NOX4: variants seen among roughly 807,000 people sequenced by gnomAD.
NOX4 encodes kidney oxidase-1.
A neutral mutation model predicts 87.6 loss-of-function variants in NOX4; 69 were observed. The ratio of observed to expected loss-of-function variants is 0.79; its 90% confidence interval spans 0.65 to 0.96. The LOEUF is 0.96. Ranked by LOEUF, NOX4 falls within the 40% of genes least tolerant of loss-of-function variation. NOX4 has a pLI of 0.00. For missense variants in NOX4, 680 were observed against 681.5 expected, an observed-to-expected ratio of 1.00 and a Z score of 0.02; for synonymous variants, 275 against 238.2, an observed-to-expected ratio of 1.15 and a Z score of -1.42.
chr11:89,503,112 A>G (rs996752073), upstream of NOX4, among the ~76,000 whole-genome samples: 3 of 152,018 alleles, frequency 2.0e-5, no homozygotes, highest in Non-Finnish European at 4.4e-5. Context: ...ACAACAGTAG[A>G]GTAAGTGTTC....
At chr11:89,391,739 CA>C (rs11419337) in intron 11 of NOX4, among the ~76,000 whole-genome samples, 5,596 of 96,972 alleles carry the variant, frequency 0.058, 149 homozygotes, top group East Asian at 0.15. Context: ...GACCTTGTCT[CA>C]AAAAAAAAAA....
intron 4 of NOX4, among the ~76,000 whole-genome samples, chr11:89,449,195 C>T (rs1944838593): frequency 6.6e-6 from 1 of 152,166 alleles, no homozygotes. Context: ...TAAAATCACA[C>T]ATTTTCCATG....
At chr11:89,449,701 A>T (rs1233852169) in intron 3 of NOX4, among the ~76,000 whole-genome samples, 177 bp from the exon 4 acceptor site, 8 of 152,162 alleles carry the variant, frequency 5.3e-5, no homozygotes, top group African/African-American at 1.2e-4. Flanking sequence ...CCATTAAAAA[A>T]TATATGTGAG....
the NOX4 span, among the ~76,000 whole-genome samples, chr11:89,524,471 G>T: frequency 6.6e-6 from 1 of 152,008 alleles, no homozygotes; most frequent in Non-Finnish European, 1.5e-5. Context: ...AAACATCAAG[G>T]CTCAGAAAGT....
At chr11:89,453,999 G>C (rs1166375342) in intron 2 of NOX4, among the ~76,000 whole-genome samples, 1 of 152,000 alleles carries the variant, frequency 6.6e-6, no homozygotes, top group Non-Finnish European at 1.5e-5. Context: ...GCCCCAAAAA[G>C]GTTATTGTTC....
intron 7 of NOX4, among the ~76,000 whole-genome samples, chr11:89,424,398 T>C (rs915937210): frequency 6.6e-6 from 1 of 150,828 alleles, no homozygotes; most frequent in Admixed American, 6.6e-5. Context: ...AAAGTAGATA[T>C]ATCTACTTTT....
chr11:89,503,044 CTTTA>C (rs1305873898), upstream of NOX4, among the ~76,000 whole-genome samples: 3 of 151,936 alleles, frequency 2.0e-5, no homozygotes, highest in African/African-American at 7.2e-5. Context: ...TACCCTTTAT[CTTTA>C]TTTCTTTGTC....
chr11:89,463,809 T>C lies in NOX4; in HGVS notation c.154-11914A>G, dbSNP rs539448812. Among the ~76,000 whole-genome samples the C allele has an allele frequency of 2.6e-5, 4 of 152,138 alleles. No homozygotes were observed. In the South Asian group the frequency reaches 6.2e-4, roughly 24 times the overall value. On this transcript the variant is annotated intron_variant, in intron 2 of 17. Coordinates refer to ENST00000263317, the MANE Select transcript of NOX4 (RefSeq NM_016931.5). ...AATAGATATAATACCTTCTGGACTA[T>C]CTAAAAAAGATTAAACATGATTTTC...
chr11:89,500,352 T>C (rs918726577), upstream of NOX4, among the ~76,000 whole-genome samples: 1 of 152,162 alleles, frequency 6.6e-6, no homozygotes, highest in African/African-American at 2.4e-5. Context: ...AAAATTTGTA[T>C]GTGTTCAATT....
At chr11:89,564,627 T>C in the NOX4 span, among the ~76,000 whole-genome samples, 3 of 152,132 alleles carry the variant, frequency 2.0e-5, no homozygotes, top group Non-Finnish European at 4.4e-5. Flanking sequence ...GTGGAGCTTG[T>C]TTGTTTGCAA....
At chr11:89,531,440 T>G in the NOX4 span, among the ~76,000 whole-genome samples, 1 of 152,168 alleles carries the variant, frequency 6.6e-6, no homozygotes, top group Admixed American at 6.5e-5. Flanking sequence ...GAATACCAAA[T>G]GCTAGCTGCC....
intron 2 of NOX4, 129 bp downstream of exon 2, chr11:89,490,329 T>C (rs1946799965): frequency 1.5e-6 from 1 of 667,328 alleles, no homozygotes; most frequent in Admixed American, 2.6e-5. Context: ...GTGACCACTT[T>C]AGAGAACAAC....
chr11:89,346,190 A>G (rs1946208341), intron 13 of NOX4, among the ~76,000 whole-genome samples: 1 of 152,192 alleles, frequency 6.6e-6, no homozygotes, highest in Admixed American at 6.5e-5. Flanking sequence ...ATAATTTGTA[A>G]TTATTATCTA....
intron 2 of NOX4, among the ~76,000 whole-genome samples, chr11:89,458,573 C>T (rs1301339683): frequency 6.6e-6 from 1 of 152,154 alleles, no homozygotes; most frequent in Non-Finnish European, 1.5e-5. Context: ...ACCTAGTACA[C>T]AGATTCTGTG....
chr11:89,530,498 A>G, the NOX4 span, among the ~76,000 whole-genome samples: 1 of 147,254 alleles, frequency 6.8e-6, no homozygotes, highest in South Asian at 2.2e-4. Context: ...ATGTGCCACC[A>G]CATCTGTCTA....
chr11:89,449,423 T>A lies in NOX4; in HGVS notation c.349+17A>T. On this transcript the variant is annotated intron_variant, in intron 4 of 17. Transcript: ENST00000263317. Reference sequence around the variant, plus strand: ...TGTAATTCTAACAAATTATTTAATATCTTGTGGCTTTCTCACCTGAGAAAA... The same window carrying A: ...TGTAATTCTAACAAATTATTTAATAACTTGTGGCTTTCTCACCTGAGAAAA... 2.0e-6 allele frequency: 3 copies of A among 1,534,642 alleles called. No individual in the cohort carries two copies. Among genetic ancestry groups the A allele is most frequent in the Non-Finnish European group, 2.7e-6 (3 of 1,116,696 alleles).
At chr11:89,454,472 T>C (rs917335513) in intron 2 of NOX4, among the ~76,000 whole-genome samples, 2 of 152,054 alleles carry the variant, frequency 1.3e-5, no homozygotes, top group Admixed American at 1.3e-4. Context: ...TTGAAAGCTT[T>C]CCAGATGATT....
intron 11 of NOX4, among the ~76,000 whole-genome samples, chr11:89,375,997 T>C (rs1157858636): frequency 6.6e-6 from 1 of 152,228 alleles, no homozygotes; most frequent in African/African-American, 2.4e-5. Flanking sequence ...CATATCTCTA[T>C]TCAATTATTT....
Position 89,392,143 on chromosome 11 carries a change from A to T in NOX4, c.1074+7874T>A, listed in dbSNP as rs113639575. 2.8e-4 allele frequency among the ~76,000 whole-genome samples: 42 copies of T among 152,258 alleles called. 1 individual carries two copies. The highest frequency in any genetic ancestry group is 8.4e-4 in the African/African-American group (35 of 41,566). ...TTTGGTAAAATATTCTTACAGAACC[A>T]GAAGAAATAAGACAATTTTTTTTCT... is the stretch of plus-strand genomic sequence containing the variant. On this transcript the variant is annotated intron_variant, in intron 11 of 17. Coordinates refer to ENST00000263317, the MANE Select transcript of NOX4 (RefSeq NM_016931.5).
Sources: gnomAD v4.1 joint callset for allele counts (sites outside exome capture counted in the v4.1 genomes callset) on GRCh38, gnomAD v4.1.1 for gene constraint, MANE v1.5 for transcripts, NCBI Gene and HGNC (gene_info 2026-07-23, HGNC 2026-07-21) for gene names.